The following HTR1F variants were observed in gnomAD, a reference collection of about 807,000 sequenced individuals.
HTR1F encodes 5-hydroxytryptamine (serotonin) receptor 1F, G protein-coupled.
HTR1F carries 17 observed loss-of-function variants against 24.0 expected under a neutral mutation model. The observed-to-expected ratio is 0.71, with a 90% CI of 0.48 to 1.06. The LOEUF (loss-of-function observed/expected upper bound fraction) is 1.06. Ranked by LOEUF, HTR1F falls within the 50% of genes least tolerant of loss-of-function variation. The pLI is 0.00. For synonymous variants in HTR1F, 186 were observed against 156.8 expected (o/e 1.19, Z -1.39); for missense variants, 391 against 427.8 (o/e 0.91, Z 0.76).
intron 2 of HTR1F, among the ~76,000 whole-genome samples, chr3:87,974,135 C>A (rs1332650184): frequency 1.3e-5 from 2 of 152,172 alleles, no homozygotes; most frequent in Non-Finnish European, 2.9e-5. Context: ...AATTTCCATG[C>A]AGAAGCCATG....
intron 2 of HTR1F, among the ~76,000 whole-genome samples, chr3:87,828,985 G>A (rs1411673321): frequency 1.3e-5 from 2 of 151,180 alleles, no homozygotes; most frequent in Non-Finnish European, 2.9e-5. Context: ...CTGACATGTG[G>A]TTCATTTCTA....
chr3:87,910,529 T>C (rs1198856640), intron 2 of HTR1F, among the ~76,000 whole-genome samples: 1 of 151,968 alleles, frequency 6.6e-6, no homozygotes, highest in Non-Finnish European at 1.5e-5. Context: ...ACTGGGAGAA[T>C]TCAACACTCC....
chr3:87,852,839 T>C (rs965350747), intron 2 of HTR1F, among the ~76,000 whole-genome samples: 3 of 151,796 alleles, frequency 2.0e-5, no homozygotes, highest in Non-Finnish European at 2.9e-5. Flanking sequence ...TTAAAACTTA[T>C]TGTGATTCTA....
chr3:87,884,839 T>C (rs535071291), intron 2 of HTR1F, among the ~76,000 whole-genome samples: 2 of 152,128 alleles, frequency 1.3e-5, no homozygotes, highest in African/African-American at 4.8e-5. Context: ...AGCACTCAGG[T>C]TCATAAAGAA....
Position 87,802,280 on chromosome 3 carries a change from TTCCC to T in HTR1F, c.-160+9456_-160+9459del, listed in dbSNP as rs772037213. On this transcript the variant is annotated intron_variant, in intron 1 of 2. Transcript: ENST00000319595. ...TCTTTTTCTTTCTTTCCTTCCCTTC[TTCCC>T]TCCCTCCCTCCCTCCCTTCCTTCCT... Among the ~76,000 whole-genome samples the T allele has an allele frequency of 5.8e-4, 34 of 59,106 alleles. 4 individuals are homozygous for T. The highest frequency in any genetic ancestry group is 1.5e-3 in the African/African-American group (12 of 7,766). The allele number at this position is 59,106 out of a possible 152,430, so 38.8% of individuals were successfully genotyped here.
chr3:87,822,523 G>A (rs867828039), intron 2 of HTR1F, among the ~76,000 whole-genome samples: 9 of 152,166 alleles, frequency 5.9e-5, no homozygotes, highest in Admixed American at 2.0e-4. Context: ...TTATAATAAT[G>A]ATTTGGAAAA....
At chr3:87,915,062 C>T (rs1202086919) in intron 2 of HTR1F, among the ~76,000 whole-genome samples, 1 of 152,124 alleles carries the variant, frequency 6.6e-6, no homozygotes, top group Admixed American at 6.6e-5. Context: ...AGCCCAGAGG[C>T]AGGTAAATTT....
intron 2 of HTR1F, among the ~76,000 whole-genome samples, chr3:87,836,816 A>T (rs1326576085): frequency 6.6e-6 from 1 of 152,122 alleles, no homozygotes; most frequent in Non-Finnish European, 1.5e-5. Flanking sequence ...AAACAAGATA[A>T]AATCTTGGAG....
At chr3:87,794,982 C>CTTTTTT (rs57368229) in intron 1 of HTR1F, among the ~76,000 whole-genome samples, 4 of 90,430 alleles carry the variant, frequency 4.4e-5, no homozygotes, top group African/African-American at 1.8e-4. Context: ...TTATGACTGA[C>CTTTTTT]TTTTTTTTTT....
chr3:87,916,150 T>G (rs556512577), intron 2 of HTR1F, among the ~76,000 whole-genome samples: 9 of 151,440 alleles, frequency 5.9e-5, no homozygotes, highest in South Asian at 2.1e-4. Context: ...TTCAGACAAA[T>G]GACAAGAGAA....
At chr3:87,943,366 C>T (rs553980646) in intron 2 of HTR1F, among the ~76,000 whole-genome samples, 1 of 152,280 alleles carries the variant, frequency 6.6e-6, no homozygotes, top group African/African-American at 2.4e-5. Context: ...ATCAATATAG[C>T]CATCAGGGTT....
At chr3:87,889,736 T>G (rs1017221685) in intron 2 of HTR1F, among the ~76,000 whole-genome samples, 1 of 152,204 alleles carries the variant, frequency 6.6e-6, no homozygotes, top group Non-Finnish European at 1.5e-5. Flanking sequence ...TTTTATTATT[T>G]AATGTCTGGA....
chr3:87,901,423 G>A (rs1706320426), intron 2 of HTR1F, among the ~76,000 whole-genome samples: 1 of 152,032 alleles, frequency 6.6e-6, no homozygotes, highest in Non-Finnish European at 1.5e-5. Context: ...CAAGGAGAGA[G>A]CTCTTAGAAG....
intron 2 of HTR1F, among the ~76,000 whole-genome samples, chr3:87,879,723 A>G (rs1705747335): frequency 6.6e-6 from 1 of 152,188 alleles, no homozygotes; most frequent in Admixed American, 6.5e-5. Context: ...TTTCCATAAA[A>G]TGAATATTTC....
intron 2 of HTR1F, among the ~76,000 whole-genome samples, chr3:87,861,060 G>A (rs1248079410): frequency 6.6e-6 from 1 of 152,170 alleles, no homozygotes. Flanking sequence ...GGGAAGCTGA[G>A]GCATGAGAAT....
intron 2 of HTR1F, among the ~76,000 whole-genome samples, chr3:87,980,241 C>T (rs1250069803): frequency 6.6e-6 from 1 of 152,072 alleles, no homozygotes; most frequent in African/African-American, 2.4e-5. Flanking sequence ...GTGGGTAGCT[C>T]CTATCTGCAG....
intron 2 of HTR1F, among the ~76,000 whole-genome samples, chr3:87,833,853 G>A (rs1220705705): frequency 6.6e-6 from 1 of 151,888 alleles, no homozygotes; most frequent in Non-Finnish European, 1.5e-5. Context: ...TTACGTAATT[G>A]AGACTTGCAC....
In HTR1F at chr3:87,991,811, C is replaced by T. The variant is rs1382043619; in HGVS notation, c.1062C>T (p.Phe354=). 2 of 1,589,708 alleles carry T rather than the reference C, an allele frequency of 1.3e-6. No homozygotes were observed. Among genetic ancestry groups the T allele is most frequent in the Non-Finnish European group, 1.7e-6 (2 of 1,169,056 alleles). Residue 354 remains phenylalanine (F), a synonymous_variant, in exon 3 of 3, where the codon TTC becomes TTT. Coordinates refer to ENST00000319595, the MANE Select transcript of HTR1F (RefSeq NM_001322209.2). ...TTTACACAATCTTTAATGAAGACTTCAAGAAAGCATTCCAAAAGCTTGTGC... is the reference window on the plus strand; with the variant it reads ...TTTACACAATCTTTAATGAAGACTTTAAGAAAGCATTCCAAAAGCTTGTGC... ...PLIYTIFNED[F]KKAFQKLVRC...
intron 2 of HTR1F, among the ~76,000 whole-genome samples, chr3:87,922,530 T>C (rs1194938243): frequency 3.3e-5 from 5 of 151,992 alleles, no homozygotes; most frequent in Non-Finnish European, 5.9e-5. Context: ...TAATCCCATT[T>C]CTCTGTTTTT....
Sources: allele counts gnomAD v4.1 joint callset (sites outside exome capture counted in the v4.1 genomes callset), GRCh38; gene constraint gnomAD v4.1.1; transcripts MANE v1.5; gene names NCBI Gene and HGNC (gene_info 2026-07-23, HGNC 2026-07-21).